The following PARP10 variants were observed in gnomAD, a reference collection of about 807,000 sequenced individuals.
PARP10 encodes the protein protein mono-ADP-ribosyltransferase PARP10.
A neutral mutation model predicts 82.4 loss-of-function variants in PARP10; 56 were observed. The observed-to-expected ratio is 0.68, with a 90% CI of 0.55 to 0.85. PARP10 has a LOEUF of 0.85. Among genes scored for constraint, PARP10 ranks in the 40% least tolerant of loss-of-function variants. The pLI, the probability that PARP10 is intolerant of heterozygous loss-of-function variation, is 0.00. For synonymous variants in PARP10, 576 were observed against 601.1 expected (o/e 0.96, Z 0.61); for missense variants, 1,227 against 1,379.4 (o/e 0.89, Z 1.75).
At chr8:143,983,887 G>A (rs1229365410) in intron 7 of PARP10, 76 bp from the exon 8 acceptor site, 1 of 1,514,446 alleles carries the variant, frequency 6.6e-7, no homozygotes, top group Admixed American at 2.2e-5. Flanking sequence ...TGGGGAGCAA[G>A]TTTTTAGGGT....
At chr8:143,992,085 C>T (rs1554750612), upstream of PARP10, 2 of 1,613,120 alleles carry the variant, frequency 1.2e-6, no homozygotes, top group East Asian at 2.2e-5. Flanking sequence ...ACTGGTAACC[C>T]CCAAACCTGA....
chr8:143,985,440 G>A lies in PARP10; in HGVS notation c.645C>T (p.Gly215=). The change falls in exon 4 of 11, where the codon GGC becomes GGT. Residue 215 remains glycine (G), a synonymous_variant. Transcript: ENST00000313028. ...GCCACTGCTGGAAGGAGGCAACAGT[G>A]CCCAGGGGCCCGGGTAGGCGTTGCA... ...EDLQRLPGPL[G]TVASFQQWQV... is the part of the protein sequence containing the mutation. 2 of 1,611,386 alleles carry A rather than the reference G, an allele frequency of 1.2e-6. No individual in the cohort carries two copies. The highest frequency in any genetic ancestry group is 1.1e-5 in the South Asian group (1 of 90,742).
intron 1 of PARP10, among the ~76,000 whole-genome samples, chr8:143,998,993 C>CTCCTTCCTTCCTTCCT (rs34794348): frequency 2.1e-4 from 31 of 146,566 alleles, no homozygotes; most frequent in African/African-American, 7.1e-4. Context: ...TTAATTCTTT[C>CTCCTTCCTTCCTTCCT]TCCTTCCTTC....
intron 1 of PARP10, among the ~76,000 whole-genome samples, chr8:144,002,033 A>G (rs1834206677): frequency 6.6e-6 from 1 of 151,922 alleles, no homozygotes; most frequent in Admixed American, 6.6e-5. Flanking sequence ...GCTTTAAAAT[A>G]CTCTAGGGAA....
At chr8:143,979,381 A>G (rs1464789486) in intron 9 of PARP10, among the ~76,000 whole-genome samples, 1 of 152,338 alleles carries the variant, frequency 6.6e-6, no homozygotes, top group Non-Finnish European at 1.5e-5. Flanking sequence ...CTAAGAAACC[A>G]TGGGGGGATA....
intron 1 of PARP10, among the ~76,000 whole-genome samples, chr8:144,004,753 C>G (rs1343314769): frequency 6.6e-6 from 1 of 152,118 alleles, no homozygotes; most frequent in South Asian, 2.1e-4. Context: ...TTTCACAGGT[C>G]GGCGCTCAGC....
At chr8:144,000,616 C>T (rs1450579423) in intron 1 of PARP10, among the ~76,000 whole-genome samples, 1 of 152,134 alleles carries the variant, frequency 6.6e-6, no homozygotes, top group Non-Finnish European at 1.5e-5. Flanking sequence ...GGCGACAGAA[C>T]TGGACTCCAT....
rs1554746699 is a variant in PARP10, at chr8:143,977,862, G to A, written c.2732-32C>T. 2.5e-6 allele frequency: 4 copies of A among 1,598,298 alleles called. No homozygotes were observed. In the Admixed American group the frequency reaches 5.0e-5, roughly 20 times the overall value. ...GGCGAGACGGGGCAAGGTCAGGGTG[G>A]TCGGGGTGCGCAGAGCCCCCGCCCC... On this transcript the variant is annotated intron_variant, in intron 10 of 10. Coordinates refer to ENST00000313028, the MANE Select transcript of PARP10 (RefSeq NM_032789.5).
intron 1 of PARP10, among the ~76,000 whole-genome samples, chr8:144,010,837 A>G (rs1834274328): frequency 6.6e-6 from 1 of 152,178 alleles, no homozygotes; most frequent in African/African-American, 2.4e-5. Flanking sequence ...GTGAACTATG[A>G]TGGTGACACT....
chr8:143,996,223 C>G (rs899738490), intron 1 of PARP10, among the ~76,000 whole-genome samples: 1 of 152,096 alleles, frequency 6.6e-6, no homozygotes, highest in East Asian at 1.9e-4. Context: ...TATATGAAGG[C>G]CAAAAAGAGA....
chr8:144,010,467 G>GAGGCTGGCAAGTCCAAAATCTGTAAGGC (rs1834267961), intron 1 of PARP10, among the ~76,000 whole-genome samples: 1 of 152,200 alleles, frequency 6.6e-6, no homozygotes, highest in Non-Finnish European at 1.5e-5. Flanking sequence ...CATAATTGTG[G>GAGGCTGGCAAGTCCAAAATCTGTAAGGC]AGGCTGGCAA....
chr8:144,010,467 G>A (rs1834267924), intron 1 of PARP10, among the ~76,000 whole-genome samples: 1 of 152,200 alleles, frequency 6.6e-6, no homozygotes, highest in Admixed American at 6.5e-5. Context: ...CATAATTGTG[G>A]AGGCTGGCAA....
chr8:143,983,411 G>A lies in PARP10; in HGVS notation c.2178C>T (p.Leu726=), dbSNP rs782773060. ...GGACGTGGACCTCCAAGGCAGCCCT[G>A]AGCGCCCGGTCCAGCTCCTCCACAT... ...EQDVEELDRA[L]RAALEVHVQE... is the part of the protein sequence containing the mutation. Residue 726 remains leucine (L), a synonymous_variant, in exon 8 of 11, where the codon CTC becomes CTT. Coordinates refer to ENST00000313028, the MANE Select transcript of PARP10 (RefSeq NM_032789.5). 1.9e-6 allele frequency: 3 copies of A among 1,604,626 alleles called. No individual in the cohort carries two copies. Among genetic ancestry groups the A allele is most frequent in the South Asian group, 1.1e-5 (1 of 90,728 alleles).
upstream of PARP10, chr8:143,992,006 C>T (rs782159497): frequency 7.4e-6 from 12 of 1,613,960 alleles, no homozygotes; most frequent in Non-Finnish European, 9.3e-6. Context: ...ATGCTGTCTT[C>T]TTCATCTCTC....
upstream of PARP10, chr8:143,986,707 G>A: frequency 1.1e-5 from 5 of 452,334 alleles, no homozygotes; most frequent in South Asian, 1.4e-4. Flanking sequence ...CCACTCCCCT[G>A]GCCTCCATGG....
chr8:143,983,619 T>A lies in PARP10; in HGVS notation c.1970A>T (p.Gln657Leu). ...PRWLEEEAAL[Q>L]LALHRSLEPQ... ...CTCCAGTGACCGGTGGAGGGCCAGC[T>A]GCAGAGCGGCCTCCTCCTCCAGCCA... Residue 657 changes from glutamine (Q) to leucine (L), a missense_variant, in exon 8 of 11, where the codon CAG becomes CTG. Transcript: ENST00000313028. 6.2e-7 allele frequency: 1 copy of A among 1,603,906 alleles called. No individual in the cohort carries two copies. Among genetic ancestry groups the A allele is most frequent in the Non-Finnish European group, 8.5e-7 (1 of 1,175,204 alleles).
chr8:143,984,756 G>T lies in PARP10; in HGVS notation c.1246C>A (p.Pro416Thr). The change falls in exon 5 of 11, where the codon CCC becomes ACC. Residue 416 changes from proline to threonine, a missense_variant. Transcript: ENST00000313028. The stretch of plus-strand genomic sequence containing the variant: ...AGAGACCCCATGGTGATCTCCATGG[G>T]ACCCACCAGCCCCTCTTGCTCTGGT... ...DSPEQEGLVG[P>T]MEITMGSLEK... 6.2e-7 allele frequency: 1 copy of T among 1,613,752 alleles called. No individual in the cohort carries two copies. Among genetic ancestry groups the T allele is most frequent in the Non-Finnish European group, 8.5e-7 (1 of 1,179,862 alleles).
At chr8:143,979,490 T>C (rs2133034300) in intron 9 of PARP10, among the ~76,000 whole-genome samples, 1 of 152,216 alleles carries the variant, frequency 6.6e-6, no homozygotes, top group East Asian at 1.9e-4. Context: ...CTGAACACTA[T>C]ATCCAGCCAA....
In PARP10 at chr8:143,978,096, CG is replaced by C; in HGVS notation, c.2557-16del. The C allele has an allele frequency of 6.7e-7, 1 of 1,493,628 alleles. No individual in the cohort carries two copies. The highest frequency in any genetic ancestry group is 8.9e-7 in the Non-Finnish European group (1 of 1,122,248). The allele number at this position is 1,493,628 out of a possible 1,614,324, so 92.5% of individuals were successfully genotyped here. On this transcript the variant is annotated splice_polypyrimidine_tract_variant and intron_variant, in intron 9 of 10. Transcript: ENST00000313028. ...ACGCGCTCCACCTGCGGGGAAGGCCCGGGCCAGGATTAAACACCCTCCCTAC... is the reference window on the plus strand; with the variant it reads ...ACGCGCTCCACCTGCGGGGAAGGCCCGGCCAGGATTAAACACCCTCCCTAC...
Sources: allele counts gnomAD v4.1 joint callset (sites outside exome capture counted in the v4.1 genomes callset), GRCh38; gene constraint gnomAD v4.1.1; transcripts MANE v1.5; gene names NCBI Gene and HGNC (gene_info 2026-07-23, HGNC 2026-07-21).